Variants in METTL8 observed in about 807,000 individuals in gnomAD.
The protein encoded by METTL8 is methyltransferase 8, tRNA N3-cytidine.
In METTL8, 32 loss-of-function variants were observed where a neutral mutation model predicts 48.7. The observed-to-expected ratio is 0.66, with a 90% confidence interval of 0.50 to 0.88. The LOEUF (loss-of-function observed/expected upper bound fraction) is 0.88. Among genes scored for constraint, METTL8 ranks in the 40% least tolerant of loss-of-function variants. The probability of loss-of-function intolerance (pLI) is 0.00; values close to 1 mark genes in which losing one functional copy is unlikely to be tolerated. For missense variants in METTL8, 464 were observed against 474.4 expected (o/e 0.98, Z 0.20); for synonymous variants, 136 against 157.1 (o/e 0.87, Z 1.01).
rs143469813 is a variant in METTL8 at position 171,400,029 on chromosome 2, T to C, written c.-12-7832A>G. Among the ~76,000 whole-genome samples, 67 of 152,184 alleles carry C rather than the reference T, an allele frequency of 4.4e-4. No homozygotes were observed. The East Asian group carries it at 0.011, about 25-fold the overall frequency. ...AGCACCAATTCCAATATCTCTTCCA[T>C]GTAAATTTCATTTTTTTTTAAAAAA... On this transcript the variant is annotated intron_variant, in intron 1 of 9. Coordinates refer to ENST00000375258, the MANE Select transcript of METTL8 (RefSeq NM_001321154.2).
rs1401362013 is a variant in METTL8, at chr2:171,360,462, T to C, written c.195A>G (p.Val65=). The change falls in exon 3 of 10, where the codon GTA becomes GTG. Residue 65 remains valine, a synonymous_variant. Transcript: ENST00000375258. ...GGACTCGCACAGCTGAGTTTTCTTT[T>C]ACTTTTTTTCTGGCTGCTGCTTCTT... ...KEEEAAARKK[V]KENSAVRVLL... 2 of 1,613,970 alleles carry C rather than the reference T, an allele frequency of 1.2e-6. No individual in the cohort carries two copies. The highest frequency in any genetic ancestry group is 1.7e-6 in the Non-Finnish European group (2 of 1,179,964).
At chr2:171,344,871 G>C (rs190782663) in intron 3 of METTL8, among the ~76,000 whole-genome samples, 21 of 152,270 alleles carry the variant, frequency 1.4e-4, no homozygotes, top group Non-Finnish European at 2.1e-4. Context: ...TTAATTTCCT[G>C]AACTGCAAGA....
chr2:171,434,399 C>T (rs1300882598), upstream of METTL8: 39 of 1,089,920 alleles, frequency 3.6e-5, no homozygotes, highest in Admixed American at 7.8e-4. Flanking sequence ...GCAAGCGGCT[C>T]TGCTTTCCCT....
chr2:171,373,042 C>T (rs1412379660), intron 2 of METTL8, among the ~76,000 whole-genome samples: 2 of 152,204 alleles, frequency 1.3e-5, no homozygotes, highest in African/African-American at 2.4e-5. Context: ...AGTTCTAGAT[C>T]CTTGAGGAAT....
intron 1 of METTL8, among the ~76,000 whole-genome samples, chr2:171,415,038 C>T (rs1430793794): frequency 2.6e-5 from 4 of 152,120 alleles, no homozygotes; most frequent in Admixed American, 2.0e-4. Context: ...TGAGGCCTCC[C>T]CAGCCACATG....
intron 3 of METTL8, among the ~76,000 whole-genome samples, chr2:171,352,020 A>AC (rs1683988502): frequency 1.3e-5 from 2 of 152,098 alleles, no homozygotes; most frequent in Admixed American, 6.6e-5. Context: ...GTGAGAGAGG[A>AC]CATCCCTGTT....
chr2:171,373,623 T>G (rs940006423), intron 2 of METTL8, among the ~76,000 whole-genome samples: 6 of 152,236 alleles, frequency 3.9e-5, no homozygotes, highest in African/African-American at 1.4e-4. Flanking sequence ...GATCTAACAT[T>G]TAAGTCTTTA....
At chr2:171,343,888 T>C (rs1687023868) in intron 3 of METTL8, among the ~76,000 whole-genome samples, 1 of 152,226 alleles carries the variant, frequency 6.6e-6, no homozygotes. Context: ...ACTACTGTTT[T>C]AATTTTTACA....
intron 1 of METTL8, among the ~76,000 whole-genome samples, chr2:171,407,932 C>G (rs1271148754): frequency 6.6e-6 from 1 of 152,224 alleles, no homozygotes; most frequent in Non-Finnish European, 1.5e-5. Context: ...TGGGAAGACA[C>G]ATAGCACACA....
intron 7 of METTL8, 125 bp downstream of exon 7, chr2:171,330,434 A>C: frequency 6.8e-6 from 6 of 877,854 alleles, no homozygotes; most frequent in Non-Finnish European, 1.1e-5. Context: ...AAGGCTGTGT[A>C]TTATACATAA....
intron 3 of METTL8, among the ~76,000 whole-genome samples, chr2:171,346,497 G>A (rs2105436813): frequency 6.6e-6 from 1 of 152,324 alleles, no homozygotes; most frequent in Non-Finnish European, 1.5e-5. Flanking sequence ...GGAGTGACAG[G>A]AGAGCCTGAG....
chr2:171,356,950 A>ATTTTTT, intron 3 of METTL8, among the ~76,000 whole-genome samples: 1 of 4,764 alleles, frequency 2.1e-4, no homozygotes, highest in African/African-American at 2.9e-4. Flanking sequence ...TTCAAAGACA[A>ATTTTTT]TATTTTTTTT....
chr2:171,433,570 G>A (rs1486405699), intron 1 of METTL8, among the ~76,000 whole-genome samples: 1 of 152,150 alleles, frequency 6.6e-6, no homozygotes, highest in African/African-American at 2.4e-5. Flanking sequence ...AGTTAACAAA[G>A]TATATCTTTT....
chr2:171,365,975 A>G (rs1274311873), intron 2 of METTL8, among the ~76,000 whole-genome samples: 2 of 152,198 alleles, frequency 1.3e-5, no homozygotes, highest in East Asian at 3.8e-4. Flanking sequence ...TTGAGAAGGC[A>G]GAGATCAGAG....
intron 1 of METTL8, among the ~76,000 whole-genome samples, chr2:171,410,422 AATATG>A (rs1257998759): frequency 6.6e-6 from 1 of 152,228 alleles, no homozygotes; most frequent in Non-Finnish European, 1.5e-5. Flanking sequence ...AATCTGATTA[AATATG>A]ATTCTTTCCA....
rs1269108330 is a variant in METTL8 at position 171,322,082 on chromosome 2, CCTCCCGAGTAGCTGGGAT to C, written c.*2072_*2089del. On this transcript the variant is annotated 3_prime_UTR_variant, in exon 10 of 10. Coordinates refer to ENST00000375258, the MANE Select transcript of METTL8 (RefSeq NM_001321154.2). ...GGTTCAAGTGATTCTCCTGCCTCAG[CCTCCCGAGTAGCTGGGAT>C]TACAGGTGCCCACCACCACGCCTGG... is the stretch of plus-strand genomic sequence containing the variant. The C allele has an allele frequency of 1.4e-4, 22 of 151,874 alleles. No individual in the cohort carries two copies. The highest frequency in any genetic ancestry group is 8.5e-4 in the Admixed American group (13 of 15,258). 9.4% of individuals were successfully genotyped at this position (151,874 alleles called of 1,614,324 possible).
intron 1 of METTL8, among the ~76,000 whole-genome samples, chr2:171,424,590 T>C (rs1016426436): frequency 3.3e-5 from 5 of 152,244 alleles, no homozygotes; most frequent in African/African-American, 1.2e-4. Flanking sequence ...CTATTGGATT[T>C]TGGACTTGCA....
At chr2:171,342,632 C>A (rs1258720318) in intron 3 of METTL8, among the ~76,000 whole-genome samples, 1 of 151,782 alleles carries the variant, frequency 6.6e-6, no homozygotes, top group African/African-American at 2.4e-5. Flanking sequence ...AAAAAACTCT[C>A]TTTGTAACTC....
intron 1 of METTL8, among the ~76,000 whole-genome samples, chr2:171,428,981 C>T (rs890531236): frequency 3.9e-5 from 6 of 152,226 alleles, no homozygotes; most frequent in African/African-American, 1.4e-4. Context: ...TAATGAAGTG[C>T]CTGGTATTCT....
Sources: gnomAD v4.1 joint callset for allele counts (sites outside exome capture counted in the v4.1 genomes callset) on GRCh38, gnomAD v4.1.1 for gene constraint, MANE v1.5 for transcripts, NCBI Gene and HGNC (gene_info 2026-07-23, HGNC 2026-07-21) for gene names.